Variants in SNAPC2 observed in about 807,000 individuals in gnomAD.
The protein encoded by SNAPC2 is small nuclear RNA activating complex polypeptide 2.
A neutral mutation model predicts 22.9 loss-of-function variants in SNAPC2; 27 were observed. That is an observed-to-expected ratio of 1.18 (90% CI 0.87 to 1.63). The LOEUF (loss-of-function observed/expected upper bound fraction) is 1.63. SNAPC2 is among the 40% of genes most tolerant of loss of function. The probability of loss-of-function intolerance (pLI) is 0.00; values close to 1 mark genes in which losing one functional copy is unlikely to be tolerated. For synonymous variants in SNAPC2, 272 were observed against 201.0 expected, an observed-to-expected ratio of 1.35 and a Z score of -2.99; for missense variants, 570 against 449.1, an observed-to-expected ratio of 1.27 and a Z score of -2.43.
At chr19:7,921,008 G>A (rs920654033) in intron 1 of SNAPC2, 3 of 1,139,746 alleles carry the variant, frequency 2.6e-6, no homozygotes, top group South Asian at 2.3e-5. Context: ...GCGAGCCTCG[G>A]GGTAATGCGT....
Position 7,922,591 on chromosome 19 carries a change from G to A in SNAPC2, c.832G>A (p.Ala278Thr). The A allele has an allele frequency of 6.2e-7, 1 of 1,613,592 alleles. No individual in the cohort carries two copies. The highest frequency in any genetic ancestry group is 8.5e-7 in the Non-Finnish European group (1 of 1,179,910). Reference sequence around the variant, plus strand: ...TCCCGCTGGAGGGAGCCTGGGGCCTGCAGCAGAAGGGGATGGGGCTGGCTC... The same window carrying A: ...TCCCGCTGGAGGGAGCCTGGGGCCTACAGCAGAAGGGGATGGGGCTGGCTC... The part of the protein sequence containing the change: ...PIPAGGSLGP[A>T]AEGDGAGSKA... Residue 278 changes from alanine to threonine, a missense_variant, in exon 5 of 5, where the codon GCA (alanine) becomes ACA (threonine). Physicochemically the swap from Ala to Thr is moderately conservative, Grantham distance 58. Coordinates refer to ENST00000221573, the MANE Select transcript of SNAPC2 (RefSeq NM_003083.4).
chr19:7,920,726 C>T, intron 1 of SNAPC2, 177 bp downstream of exon 1: 1 of 79,598 alleles, frequency 1.3e-5, no homozygotes, highest in East Asian at 3.3e-4. Context: ...GGGTGAGGGG[C>T]GGGGCGTGGA....
rs769239525 is a variant in SNAPC2 at position 7,920,441 on chromosome 19, C to A, written c.75C>A (p.Ser25Arg). The A allele has an allele frequency of 6.4e-7, 1 of 1,567,060 alleles. No individual in the cohort carries two copies. The highest frequency in any genetic ancestry group is 8.6e-7 in the Non-Finnish European group (1 of 1,165,250). The change falls in exon 1 of 5, where the codon AGC (serine) becomes AGA (arginine). Residue 25 changes from serine (S) to arginine (R), a missense_variant. Physicochemically the swap from Ser to Arg is moderately radical, Grantham distance 110. Coordinates refer to ENST00000221573, the MANE Select transcript of SNAPC2 (RefSeq NM_003083.4). Reference sequence around the variant, plus strand: ...AGGTGACCGGTCCCGCGACCTGGAGCGCTCGCGAGAAGCGGCAGCTAGTGC... The same window carrying A: ...AGGTGACCGGTCCCGCGACCTGGAGAGCTCGCGAGAAGCGGCAGCTAGTGC... ...LGEVTGPATW[S>R]AREKRQLVRL...
intron 3 of SNAPC2, 46 bp downstream of exon 3, chr19:7,921,819 G>T (rs1182705325): frequency 6.3e-7 from 1 of 1,581,814 alleles, no homozygotes; most frequent in Admixed American, 1.7e-5. Flanking sequence ...AGAGGACAGG[G>T]TCACATGGGC....
intron 1 of SNAPC2, chr19:7,920,952 G>T (rs1281536543): frequency 2.4e-5 from 27 of 1,109,734 alleles, no homozygotes; most frequent in Middle Eastern, 4.0e-4. Context: ...TGGGAGTAAG[G>T]CGTGGGAGGG....
At chr19:7,921,865 C>T (rs1983586408) in intron 3 of SNAPC2, 92 bp downstream of exon 3, 5 of 1,457,850 alleles carry the variant, frequency 3.4e-6, no homozygotes, top group South Asian at 1.2e-5. Context: ...GCCCTTTTGC[C>T]AGCTCTGTGG....
In SNAPC2 at chr19:7,922,533, G is replaced by C. The variant is rs754930991; in HGVS notation, c.774G>C (p.Glu258Asp). 4.6e-5 allele frequency: 74 copies of C among 1,612,822 alleles called. No individual in the cohort carries two copies. Among genetic ancestry groups the C allele is most frequent in the Non-Finnish European group, 5.9e-5 (69 of 1,179,470 alleles). Residue 258 changes from glutamate (E) to aspartate (D), a missense_variant, in exon 5 of 5, where the codon GAG becomes GAC. Glu to Asp is a conservative substitution (Grantham distance 45). Coordinates refer to ENST00000221573, the MANE Select transcript of SNAPC2 (RefSeq NM_003083.4). Reference protein sequence around the residue: ...PCTALVEHMTETYLRLTAPQP... With the variant: ...PCTALVEHMTDTYLRLTAPQP... ...CAGCCCTGGTTGAGCATATGACGGAGACGTACCTACGCCTGACAGCCCCCC... is the reference window on the plus strand; with the variant it reads ...CAGCCCTGGTTGAGCATATGACGGACACGTACCTACGCCTGACAGCCCCCC...
In SNAPC2 at chr19:7,922,342, C is replaced by T. The variant is rs766727160; in HGVS notation, c.680C>T (p.Ala227Val). 9.3e-6 allele frequency: 15 copies of T among 1,612,602 alleles called. No homozygotes were observed. Among genetic ancestry groups the T allele is most frequent in the Non-Finnish European group, 4.2e-6 (5 of 1,179,246 alleles). The change falls in exon 4 of 5, where the codon GCA (alanine) becomes GTA (valine). Residue 227 changes from alanine (A) to valine (V), a missense_variant. Physicochemically the swap from Ala to Val is moderately conservative, Grantham distance 64. Coordinates refer to ENST00000221573, the MANE Select transcript of SNAPC2 (RefSeq NM_003083.4). ...SRSGRSPELS[A>V]AESAVVLDLL... The stretch of plus-strand genomic sequence containing the variant: ...AGTGGCCGCAGCCCCGAGCTCTCAG[C>T]AGCTGGTGAGAAGGGTGAGGGAGGG...
rs374859028 is a variant in SNAPC2 at position 7,922,355 on chromosome 19, G to C, written c.685+8G>C. The C allele has an allele frequency of 1.6e-5, 26 of 1,610,476 alleles. No homozygotes were observed. The highest frequency in any genetic ancestry group is 2.1e-5 in the Non-Finnish European group (25 of 1,177,954). On this transcript the variant is annotated splice_region_variant and intron_variant, in intron 4 of 4. Transcript: ENST00000221573. ...CCGAGCTCTCAGCAGCTGGTGAGAA[G>C]GGTGAGGGAGGGGGCAGGAGCAGAG... is the stretch of plus-strand genomic sequence containing the variant.
At chr19:7,921,670 C>A (rs774318414) in intron 2 of SNAPC2, 35 bp from the exon 3 acceptor site, 3 of 1,611,662 alleles carry the variant, frequency 1.9e-6, no homozygotes, top group South Asian at 2.2e-5. Context: ...GCAGGCTGAT[C>A]CCTGGGCTGA....
Position 7,920,366 on chromosome 19 carries a change from C to G in SNAPC2, c.-1C>G, listed in dbSNP as rs756216790. 7.6e-6 allele frequency: 12 copies of G among 1,573,366 alleles called. No individual in the cohort carries two copies. The highest frequency in any genetic ancestry group is 1.0e-5 in the Non-Finnish European group (12 of 1,168,060). ...ACAGCGCCTGCCTCTTTCTGAGCGG[C>G]ATGAAGCCACCTCCCAGGCGGCGAG... On this transcript the variant is annotated 5_prime_UTR_variant, in exon 1 of 5. Transcript: ENST00000221573.
Position 7,920,505 on chromosome 19 carries a change from G to A in SNAPC2, c.139G>A (p.Ala47Thr), listed in dbSNP as rs1210829700. 2 of 1,488,840 alleles carry A rather than the reference G, an allele frequency of 1.3e-6. No homozygotes were observed. Among genetic ancestry groups the A allele is most frequent in the East Asian group, 2.8e-5 (1 of 36,244 alleles). The allele number at this position is 1,488,840 out of a possible 1,614,324, so 92.2% of individuals were successfully genotyped here. ...GCGGCAGGGCCAGCCGGAGCCGGACGCCACCGAGCTGGCCCGGGAGCTGCG... is the reference window on the plus strand; with the variant it reads ...GCGGCAGGGCCAGCCGGAGCCGGACACCACCGAGCTGGCCCGGGAGCTGCG... ...QARQGQPEPDATELARELRGR... is the reference protein window; with the variant it reads ...QARQGQPEPDTTELARELRGR... Residue 47 changes from alanine to threonine, a missense_variant, in exon 1 of 5, where the codon GCC becomes ACC. Transcript: ENST00000221573.
At chr19:7,922,004 C>T (rs563469302) in intron 3 of SNAPC2, 31 bp from the exon 4 acceptor site, 5 of 1,583,718 alleles carry the variant, frequency 3.2e-6, no homozygotes, top group South Asian at 2.3e-5. Context: ...CTTCCCAGCT[C>T]CTCTTCCTCC....
In SNAPC2 at chr19:7,922,453, G is replaced by T. The variant is rs753333662; in HGVS notation, c.694G>T (p.Val232Leu). 2.5e-6 allele frequency: 4 copies of T among 1,589,094 alleles called. No individual in the cohort carries two copies. The South Asian group carries it at 4.5e-5, about 18-fold the overall frequency. The change falls in exon 5 of 5, where the codon GTG becomes TTG. Residue 232 changes from valine (V) to leucine (L), a missense_variant. Val to Leu is a conservative substitution (Grantham distance 32). Transcript: ENST00000221573. ...SPELSAAESA[V>L]VLDLLMSLPE... Reference sequence around the variant, plus strand: ...CCTCCATCCATCACTAGAGTCCGCTGTGGTCCTCGACCTGCTCATGTCACT... The same window carrying T: ...CCTCCATCCATCACTAGAGTCCGCTTTGGTCCTCGACCTGCTCATGTCACT...
In SNAPC2 at chr19:7,920,606, G is replaced by T; in HGVS notation, c.183+57G>T. The stretch of plus-strand genomic sequence containing the variant: ...CTGGAGGCGGGGCTGGGGTGGGGCG[G>T]AGAGTGGGCGGGGCTGCGGCAGGAG... On this transcript the variant is annotated intron_variant, in intron 1 of 4. Transcript: ENST00000221573. 3 of 517,750 alleles carry T rather than the reference G, an allele frequency of 5.8e-6. No individual in the cohort carries two copies. The South Asian group carries it at 7.1e-5, about 12-fold the overall frequency. The allele number at this position is 517,750 out of a possible 1,614,324, so 32.1% of individuals were successfully genotyped here.
intron 4 of SNAPC2, 36 bp downstream of exon 4, chr19:7,922,383 A>G (rs1983611622): frequency 6.3e-7 from 1 of 1,598,342 alleles, no homozygotes; most frequent in Non-Finnish European, 8.5e-7. Context: ...GAGCAGAGGG[A>G]TCAAGGGTCC....
Position 7,922,098 on chromosome 19 carries a change from C to T in SNAPC2, c.436C>T (p.Gln146Ter), listed in dbSNP as rs778084242. Residue 146 changes from glutamine to a stop codon, truncating the protein, a stop_gained, in exon 4 of 5, where the codon CAG (glutamine) becomes TAG (stop). Coordinates refer to ENST00000221573, the MANE Select transcript of SNAPC2 (RefSeq NM_003083.4). LOFTEE classifies it high-confidence loss of function. Reference sequence around the variant, plus strand: ...GCACTCCAAGCCCCCCAAGCCCACGCAGGCCCGTGGAAAGCCTTTGCTCCT... The same window carrying T: ...GCACTCCAAGCCCCCCAAGCCCACGTAGGCCCGTGGAAAGCCTTTGCTCCT... ...LLHSKPPKPT[Q>*]ARGKPLLLSA... is the part of the protein sequence containing the mutation. The T allele has an allele frequency of 9.3e-6, 15 of 1,614,004 alleles. No individual in the cohort carries two copies. In the South Asian group the frequency reaches 1.6e-4, roughly 18 times the overall value.
In SNAPC2 at chr19:7,920,344, G is replaced by T; in HGVS notation, c.-23G>T. ...CGCCCATCGGAGAAGCGACCTTACA[G>T]CGCCTGCCTCTTTCTGAGCGGCATG... is the stretch of plus-strand genomic sequence containing the variant. On this transcript the variant is annotated 5_prime_UTR_variant, in exon 1 of 5. Transcript: ENST00000221573. 6.4e-7 allele frequency: 1 copy of T among 1,551,512 alleles called. No homozygotes were observed. Among genetic ancestry groups the T allele is most frequent in the Non-Finnish European group, 8.6e-7 (1 of 1,157,598 alleles).
chr19:7,921,283 A>G (rs897723285), intron 1 of SNAPC2, 140 bp from the exon 2 acceptor site: 8 of 1,473,794 alleles, frequency 5.4e-6, no homozygotes, highest in Non-Finnish European at 7.4e-6. Context: ...CTTGGCAGTC[A>G]CTGGGACTCC....
Sources: gnomAD v4.1 joint callset for allele counts on GRCh38, gnomAD v4.1.1 for gene constraint, MANE v1.5 for transcripts, NCBI Gene and HGNC (gene_info 2026-07-23, HGNC 2026-07-21) for gene names.